Variants in IMPA2 observed in about 807,000 individuals in gnomAD.
The protein encoded by IMPA2 is inositol monophosphatase 2, also known as IMP 2.
IMPA2 carries 32 observed loss-of-function variants against 35.1 expected under a neutral mutation model. The ratio of observed to expected loss-of-function variants is 0.91; its 90% CI spans 0.69 to 1.23. The LOEUF (loss-of-function observed/expected upper bound fraction) is 1.23. Ranked by LOEUF, IMPA2 falls within the 50% of genes most tolerant of loss-of-function variation. The pLI is 0.00. For synonymous variants in IMPA2, 135 were observed against 160.6 expected (o/e 0.84, Z 1.20); for missense variants, 334 against 387.6 (o/e 0.86, Z 1.16).
chr18:12,027,388 A>G (rs1457083819), intron 5 of IMPA2, among the ~76,000 whole-genome samples: 2 of 151,890 alleles, frequency 1.3e-5, no homozygotes, highest in Non-Finnish European at 2.9e-5. Context: ...CAGAGGGCTC[A>G]CTCCTGCAGC....
At chr18:11,998,733 A>G (rs529603887) in intron 1 of IMPA2, among the ~76,000 whole-genome samples, 4 of 152,278 alleles carry the variant, frequency 2.6e-5, no homozygotes, top group South Asian at 2.1e-4. Context: ...ACTCGAAGAG[A>G]AGTTGTTTCA....
rs113843315 is a variant in IMPA2 at position 12,030,842 on chromosome 18, G to A, written c.*384G>A. On this transcript the variant is annotated 3_prime_UTR_variant, in exon 8 of 8. Transcript: ENST00000269159. ...CGGATCGTTCTCAGGCCCTCCCCCC[G>A]GAGTACTTCAGAATGCAATAAATCA... The A allele has an allele frequency of 1.4e-3, 283 of 200,964 alleles. No homozygotes were observed. The highest frequency in any genetic ancestry group is 5.9e-3 in the African/African-American group (253 of 42,540). The allele number at this position is 200,964 out of a possible 1,614,324, so 12.4% of individuals were successfully genotyped here. A position where few individuals can be genotyped will look rare whatever the true frequency, so the allele number is the denominator to read the frequency against.
intron 1 of IMPA2, among the ~76,000 whole-genome samples, chr18:11,995,664 G>A (rs1906940233): frequency 6.6e-6 from 1 of 152,038 alleles, no homozygotes; most frequent in Non-Finnish European, 1.5e-5. Context: ...GCTGTGCCGG[G>A]AGAGTGGGTC....
At chr18:11,989,198 G>C (rs749589084) in intron 1 of IMPA2, among the ~76,000 whole-genome samples, 4 of 152,156 alleles carry the variant, frequency 2.6e-5, no homozygotes, top group Non-Finnish European at 4.4e-5. Flanking sequence ...TTCCTCCTTG[G>C]GAGCCTCACA....
Position 12,029,508 on chromosome 18 carries a change from G to A in IMPA2, c.751+515G>A, listed in dbSNP as rs535961616. ...ATGATCTCGGCTCACTGCAACCTCC[G>A]CCTTCCAGGTTCAAGCAATTCTCCT... On this transcript the variant is annotated intron_variant, in intron 7 of 7. Coordinates refer to ENST00000269159, the MANE Select transcript of IMPA2 (RefSeq NM_014214.3). 8.5e-4 allele frequency among the ~76,000 whole-genome samples: 128 copies of A among 151,278 alleles called. No homozygotes were observed. In the Middle Eastern group the frequency reaches 0.034, roughly 40 times the overall value.
In IMPA2 at chr18:12,015,230, G is replaced by GC. The variant is rs532623014; in HGVS notation, c.490+863dup. ...GTCTCTGGCGTGGACATCATGCAGG[G>GC]CCCCCCATCTCATTCCCTGCCAGTT... On this transcript the variant is annotated intron_variant, in intron 5 of 7. Coordinates refer to ENST00000269159, the MANE Select transcript of IMPA2 (RefSeq NM_014214.3). Among the ~76,000 whole-genome samples the GC allele has an allele frequency of 3.9e-5, 6 of 152,098 alleles. No homozygotes were observed. In the South Asian group the frequency reaches 8.3e-4, roughly 21 times the overall value.
Position 12,030,527 on chromosome 18 carries a change from C to A in IMPA2, c.*69C>A. Reference sequence around the variant, plus strand: ...TGTGGGCTCCTGGGGAGGTGGCCCTCGTGGCCCACGCTCCATGCCAGTGGC... The same window carrying A: ...TGTGGGCTCCTGGGGAGGTGGCCCTAGTGGCCCACGCTCCATGCCAGTGGC... On this transcript the variant is annotated 3_prime_UTR_variant, in exon 8 of 8. Coordinates refer to ENST00000269159, the MANE Select transcript of IMPA2 (RefSeq NM_014214.3). 4.0e-6 allele frequency: 5 copies of A among 1,239,498 alleles called. No homozygotes were observed. Among genetic ancestry groups the A allele is most frequent in the Non-Finnish European group, 5.9e-6 (5 of 845,636 alleles). 76.8% of individuals were successfully genotyped at this position (1,239,498 alleles called of 1,614,324 possible). A position where few individuals can be genotyped will look rare whatever the true frequency, so the allele number is the denominator to read the frequency against.
chr18:12,028,862 C>T lies in IMPA2; in HGVS notation c.620C>T (p.Ser207Phe), dbSNP rs780040602. The T allele has an allele frequency of 2.5e-6, 4 of 1,614,166 alleles. No homozygotes were observed. The highest frequency in any genetic ancestry group is 3.4e-6 in the Non-Finnish European group (4 of 1,180,024). ...KAHGVRVIGSSTLALCHLASG... is the reference protein window; with the variant it reads ...KAHGVRVIGSFTLALCHLASG... ...CCCAGGGTCCGAGTGATTGGAAGCT[C>T]CACATTGGCACTCTGCCACCTGGCC... Residue 207 changes from serine to phenylalanine, a missense_variant, in exon 7 of 8, where the codon TCC (serine) becomes TTC (phenylalanine). Coordinates refer to ENST00000269159, the MANE Select transcript of IMPA2 (RefSeq NM_014214.3).
chr18:11,998,945 CCA>C lies in IMPA2; in HGVS notation c.97-107_97-106del, dbSNP rs1460581855. On this transcript the variant is annotated intron_variant, in intron 1 of 7. Coordinates refer to ENST00000269159, the MANE Select transcript of IMPA2 (RefSeq NM_014214.3). ...CCCCCGCCGCCCCCCCCCCCCCCCC[CCA>C]CCCAATGGCAGGCTGAATACAGAGG... 2.7e-4 allele frequency: 17 copies of C among 63,752 alleles called. 1 individual carries two copies. The highest frequency in any genetic ancestry group is 2.3e-3 in the South Asian group (3 of 1,294). 3.9% of individuals were successfully genotyped at this position (63,752 alleles called of 1,614,324 possible). A position where few individuals can be genotyped will look rare whatever the true frequency, so the allele number is the denominator to read the frequency against.
chr18:12,021,701 G>C (rs981056870), intron 5 of IMPA2: 2 of 152,178 alleles, frequency 1.3e-5, no homozygotes, highest in African/African-American at 2.4e-5. Context: ...ATGTTTGGTA[G>C]AGATGGGGCT....
At chr18:11,990,939 A>C (rs1372895498) in intron 1 of IMPA2, among the ~76,000 whole-genome samples, 4 of 152,252 alleles carry the variant, frequency 2.6e-5, no homozygotes, top group African/African-American at 9.6e-5. Flanking sequence ...TACTGTGTGG[A>C]ATAAATGTAC....
intron 5 of IMPA2, among the ~76,000 whole-genome samples, chr18:12,024,362 T>A (rs978151398): frequency 6.6e-5 from 10 of 151,816 alleles, no homozygotes; most frequent in Admixed American, 2.6e-4. Flanking sequence ...TGCGCACCTG[T>A]AATCCCCGCT....
At chr18:12,011,188 G>A (rs1008888378) in intron 3 of IMPA2, among the ~76,000 whole-genome samples, 3 of 152,214 alleles carry the variant, frequency 2.0e-5, no homozygotes, top group Non-Finnish European at 2.9e-5. Context: ...GCACCCCTGG[G>A]GGGATCCTGG....
chr18:11,986,781 T>G (rs1259660926), intron 1 of IMPA2, among the ~76,000 whole-genome samples: 2 of 152,224 alleles, frequency 1.3e-5, no homozygotes, highest in South Asian at 2.1e-4. Context: ...AGTAATATGC[T>G]TCTGTCGTGC....
rs1325588612 is a variant in IMPA2, at chr18:12,007,614, CT to C, written c.231-2266del. ...TTTCTTTCTTTCTTTCTCTTTCTTT[CT>C]TTCTTTTTCTTTCTTCTTTCTTTCT... On this transcript the variant is annotated intron_variant, in intron 2 of 7. Coordinates refer to ENST00000269159, the MANE Select transcript of IMPA2 (RefSeq NM_014214.3). Among the ~76,000 whole-genome samples, 1,056 of 135,766 alleles carry C rather than the reference CT, an allele frequency of 7.8e-3. 11 individuals carry two copies. Among genetic ancestry groups the C allele is most frequent in the African/African-American group, 0.026 (885 of 34,412 alleles). The allele number at this position is 135,766 out of a possible 152,430, so 89.1% of individuals were successfully genotyped here.
rs548540789 is a variant in IMPA2 at position 12,010,696 on chromosome 18, G to A, written c.335+709G>A. Among the ~76,000 whole-genome samples, 13 of 152,286 alleles carry A rather than the reference G, an allele frequency of 8.5e-5. No individual in the cohort carries two copies. The South Asian group carries it at 2.1e-3, about 24-fold the overall frequency. On this transcript the variant is annotated intron_variant, in intron 3 of 7. Coordinates refer to ENST00000269159, the MANE Select transcript of IMPA2 (RefSeq NM_014214.3). This position sits in a 1 kb window ranked among gnomAD's most constrained non-coding sequence, Gnocchi z 4.8. ...CTGGAGAGATTCCCATTCCATGGGC[G>A]GGTGGCTTGCAGCTCCTGCGCTCAC...
At chr18:12,022,938 C>T (rs1907774454) in intron 5 of IMPA2, among the ~76,000 whole-genome samples, 1 of 117,518 alleles carries the variant, frequency 8.5e-6, no homozygotes, top group South Asian at 3.1e-4. Context: ...CCACGCCTGC[C>T]TAATTTTTTT....
At chr18:12,026,360 G>A (rs1376559065) in intron 5 of IMPA2, among the ~76,000 whole-genome samples, 6 of 152,270 alleles carry the variant, frequency 3.9e-5, no homozygotes, top group East Asian at 1.9e-4. Flanking sequence ...TAAAATATTC[G>A]TAATTCAGAA....
At chr18:12,006,044 C>T (rs1907238463) in intron 2 of IMPA2, among the ~76,000 whole-genome samples, 1 of 152,072 alleles carries the variant, frequency 6.6e-6, no homozygotes. Context: ...GGGTGTGGAG[C>T]GTTTTCTTTA....
Sources: allele counts gnomAD v4.1 joint callset (sites outside exome capture counted in the v4.1 genomes callset), GRCh38; gene constraint gnomAD v4.1.1; non-coding constraint Gnocchi (gnomAD v3.1); transcripts MANE v1.5; gene names NCBI Gene and HGNC (gene_info 2026-07-23, HGNC 2026-07-21).